The following HERC4 variants were observed in gnomAD, a reference collection of about 807,000 sequenced individuals.
HERC4 encodes the protein probable E3 ubiquitin-protein ligase HERC4.
Under a neutral mutation model 124.3 loss-of-function variants are expected in HERC4, and 28 were observed. The ratio of observed to expected loss-of-function variants is 0.23; its 90% confidence interval spans 0.17 to 0.31. The LOEUF (loss-of-function observed/expected upper bound fraction) is 0.31, where lower values mean the gene tolerates loss of function less well. Ranked by LOEUF, HERC4 falls within the 10% of genes least tolerant of loss-of-function variation. The pLI, the probability that HERC4 is intolerant of heterozygous loss-of-function variation, is 1.00. For synonymous variants in HERC4, 407 were observed against 421.5 expected (o/e 0.97, Z 0.42); for missense variants, 713 against 1,229.3 (o/e 0.58, Z 6.28).
Position 68,017,044 on chromosome 10 carries a change from A to G in HERC4, c.909-2858T>C, listed in dbSNP as rs184759346. On this transcript the variant is annotated intron_variant, in intron 8 of 24. Transcript: ENST00000373700. Reference sequence around the variant, plus strand: ...CATAGCCTGATGGTGGTTGGGCTGTATATTATATTCCCCATACCTTAACTT... The same window carrying G: ...CATAGCCTGATGGTGGTTGGGCTGTGTATTATATTCCCCATACCTTAACTT... Among the ~76,000 whole-genome samples, 34 of 152,270 alleles carry G rather than the reference A, an allele frequency of 2.2e-4. 1 individual carries two copies. The highest frequency in any genetic ancestry group is 7.9e-4 in the African/African-American group (33 of 41,562).
At chr10:68,029,675 A>AT (rs2039090226) in intron 7 of HERC4, among the ~76,000 whole-genome samples, 1 of 147,818 alleles carries the variant, frequency 6.8e-6, no homozygotes, top group African/African-American at 2.5e-5. Flanking sequence ...TATTTATATA[A>AT]TTTTTATATA....
chr10:67,943,807 A>C (rs1241488153), intron 19 of HERC4, among the ~76,000 whole-genome samples: 1 of 152,248 alleles, frequency 6.6e-6, no homozygotes, highest in Non-Finnish European at 1.5e-5. Flanking sequence ...GGATAAAAAA[A>C]CCAACATATG....
intron 3 of HERC4, among the ~76,000 whole-genome samples, chr10:68,060,820 A>T (rs936167357): frequency 6.6e-6 from 1 of 152,156 alleles, no homozygotes; most frequent in African/African-American, 2.4e-5. Context: ...GCTAAGCAAT[A>T]CTTGGATTAG....
At chr10:68,025,736 C>T in intron 7 of HERC4, 60 bp from the exon 8 acceptor site, 2 of 1,512,140 alleles carry the variant, frequency 1.3e-6, no homozygotes, top group Non-Finnish European at 1.8e-6. Context: ...TAACTGATCT[C>T]CAGAAAAATA....
intron 19 of HERC4, chr10:67,954,080 T>C (rs1197496705): frequency 6.6e-6 from 1 of 152,208 alleles, no homozygotes; most frequent in Non-Finnish European, 1.5e-5. Flanking sequence ...AGATGGCAAA[T>C]ATTTTGGGGT....
At chr10:68,008,911 T>C (rs1052243867) in intron 9 of HERC4, among the ~76,000 whole-genome samples, 5 of 152,216 alleles carry the variant, frequency 3.3e-5, no homozygotes, top group Non-Finnish European at 7.3e-5. Flanking sequence ...TTTGGTTTCA[T>C]AGTGCACATA....
At chr10:67,982,698 A>G (rs549298787) in intron 15 of HERC4, among the ~76,000 whole-genome samples, 2 of 152,250 alleles carry the variant, frequency 1.3e-5, no homozygotes, top group Non-Finnish European at 2.9e-5. Context: ...ATATTTGCAA[A>G]CTAATCATCT....
intron 15 of HERC4, among the ~76,000 whole-genome samples, chr10:67,973,317 A>G (rs1440413971): frequency 6.6e-6 from 1 of 152,224 alleles, no homozygotes; most frequent in Admixed American, 6.5e-5. Flanking sequence ...TGAGCGGCAC[A>G]TGGAGCAAAA....
At chr10:67,959,167 C>T (rs371864078) in intron 16 of HERC4, 109 of 1,563,094 alleles carry the variant, frequency 7.0e-5, no homozygotes, top group East Asian at 1.4e-4. Context: ...ATAACAATAA[C>T]GAGGAAAGAG....
intron 3 of HERC4, among the ~76,000 whole-genome samples, chr10:68,061,980 C>T (rs903527621): frequency 6.0e-5 from 9 of 149,418 alleles, no homozygotes; most frequent in African/African-American, 7.4e-5. Context: ...AAATTTACAA[C>T]GGTATTATAT....
chr10:68,063,154 T>C (rs2041119371), intron 3 of HERC4, among the ~76,000 whole-genome samples: 1 of 152,208 alleles, frequency 6.6e-6, no homozygotes, highest in Non-Finnish European at 1.5e-5. Flanking sequence ...TACTAGATCA[T>C]TAAATGATAT....
At chr10:68,020,768 CAAAA>C (rs149936767) in intron 8 of HERC4, among the ~76,000 whole-genome samples, 2 of 88,444 alleles carry the variant, frequency 2.3e-5, no homozygotes, top group Admixed American at 1.2e-4. Flanking sequence ...GACTCCGTCT[CAAAA>C]AAAAAAAAAA....
chr10:67,963,659 A>G (rs2034668114), intron 16 of HERC4, among the ~76,000 whole-genome samples: 1 of 152,192 alleles, frequency 6.6e-6, no homozygotes, highest in Admixed American at 6.5e-5. Context: ...TTCTTCTTTA[A>G]AAGGGTCCAC....
intron 18 of HERC4, 45 bp from the exon 19 acceptor site, chr10:67,954,783 A>C (rs773860168): frequency 3.8e-6 from 6 of 1,579,618 alleles, no homozygotes; most frequent in Non-Finnish European, 5.2e-6. Flanking sequence ...TAAAGAAATG[A>C]AAGTACATTC....
At chr10:67,999,844 TG>T (rs2037119372) in intron 9 of HERC4, among the ~76,000 whole-genome samples, 1 of 152,198 alleles carries the variant, frequency 6.6e-6, no homozygotes, top group Non-Finnish European at 1.5e-5. Context: ...TTCTCACTGA[TG>T]CCCAGAATTC....
At chr10:67,942,670 CCTGG>C in intron 19 of HERC4, among the ~76,000 whole-genome samples, 1 of 152,208 alleles carries the variant, frequency 6.6e-6, no homozygotes, top group African/African-American at 2.4e-5. Flanking sequence ...AGCCACCATG[CCTGG>C]CTAATTTTGT....
At chr10:67,971,348 G>C (rs2035221376) in intron 15 of HERC4, among the ~76,000 whole-genome samples, 1 of 151,900 alleles carries the variant, frequency 6.6e-6, no homozygotes, top group Non-Finnish European at 1.5e-5. Flanking sequence ...AAAAATTACA[G>C]ATCAATATCC....
intron 3 of HERC4, among the ~76,000 whole-genome samples, chr10:68,050,149 A>AT (rs1458625460): frequency 6.6e-6 from 1 of 152,170 alleles, no homozygotes; most frequent in Non-Finnish European, 1.5e-5. Flanking sequence ...CCAAGACTGC[A>AT]TCACTGCACT....
At position 67,926,687 on chromosome 10, in the gene HERC4, T is replaced by C. The variant is rs150533751; in HGVS notation, c.2839-1500A>G. Among the ~76,000 whole-genome samples the C allele has an allele frequency of 1.2e-4, 19 of 152,310 alleles. No individual in the cohort carries two copies. The East Asian group carries it at 3.5e-3, about 28-fold the overall frequency. The stretch of plus-strand genomic sequence containing the variant: ...CATTCATTGATTCATCCAACAAATA[T>C]ATAATGAGTTTTAGTCAATGTTTTG... On this transcript the variant is annotated intron_variant, in intron 23 of 24. Transcript: ENST00000373700.
Sources: gnomAD v4.1 joint callset for allele counts (sites outside exome capture counted in the v4.1 genomes callset) on GRCh38, gnomAD v4.1.1 for gene constraint, MANE v1.5 for transcripts, NCBI Gene and HGNC (gene_info 2026-07-23, HGNC 2026-07-21) for gene names.